The following CRYBG1 variants were observed in gnomAD, a reference collection of about 807,000 sequenced individuals.
The protein encoded by CRYBG1 is crystallin beta-gamma domain containing 1, also known as beta/gamma crystallin domain-containing protein 1.
Under a neutral mutation model 189.2 loss-of-function variants are expected in CRYBG1, and 139 were observed. That is an observed-to-expected ratio of 0.73 (90% CI 0.64 to 0.85). The LOEUF is 0.85. Ranked by LOEUF, CRYBG1 falls within the 40% of genes least tolerant of loss-of-function variation. CRYBG1 has a pLI of 0.00. For missense variants in CRYBG1, 2,611 were observed against 2,675.8 expected, an observed-to-expected ratio of 0.98 and a Z score of 0.53; for synonymous variants, 1,023 against 1,017.1, an observed-to-expected ratio of 1.01 and a Z score of -0.11.
At chr6:106,556,066 C>T (rs1373163644) in intron 17 of CRYBG1, among the ~76,000 whole-genome samples, 169 bp downstream of exon 17, 1 of 152,146 alleles carries the variant, frequency 6.6e-6, no homozygotes, top group Non-Finnish European at 1.5e-5. Flanking sequence ...CTAACTGGTA[C>T]ACGTTTTCCA....
intron 1 of CRYBG1, among the ~76,000 whole-genome samples, chr6:106,426,363 A>T (rs1771225600): frequency 6.6e-6 from 1 of 152,128 alleles, no homozygotes; most frequent in Admixed American, 6.5e-5. Context: ...AAACACACAC[A>T]CACACTTTCC....
chr6:106,391,919 T>C (rs1770511828), intron 1 of CRYBG1, among the ~76,000 whole-genome samples: 1 of 150,638 alleles, frequency 6.6e-6, no homozygotes. Context: ...AAAAGCCTGT[T>C]GTTTAAAACG....
At chr6:106,433,786 A>G (rs1391554014) in intron 1 of CRYBG1, among the ~76,000 whole-genome samples, 2 of 123,910 alleles carry the variant, frequency 1.6e-5, no homozygotes, top group African/African-American at 6.9e-5. Context: ...TATATATATA[A>G]ACATACACAC....
intron 17 of CRYBG1, 137 bp downstream of exon 17, chr6:106,556,034 G>A (rs1774537095): frequency 3.1e-6 from 3 of 972,844 alleles, no homozygotes; most frequent in Admixed American, 2.2e-5. Context: ...ATTTGGCTCT[G>A]TGTACATCTA....
At chr6:106,364,088 G>A (rs1471807926) in intron 1 of CRYBG1, among the ~76,000 whole-genome samples, 2 of 152,186 alleles carry the variant, frequency 1.3e-5, no homozygotes, top group Non-Finnish European at 2.9e-5. Context: ...ACTTTGGGAG[G>A]CCAAAGCAGG....
intron 2 of CRYBG1, among the ~76,000 whole-genome samples, chr6:106,460,569 G>GA (rs1483447701): frequency 6.6e-6 from 1 of 151,910 alleles, no homozygotes; most frequent in Non-Finnish European, 1.5e-5. Context: ...TTGTGAGGGG[G>GA]AAAAATTGTA....
chr6:106,473,424 T>G (rs1417506580), intron 2 of CRYBG1, among the ~76,000 whole-genome samples: 5 of 152,186 alleles, frequency 3.3e-5, no homozygotes, highest in Non-Finnish European at 7.3e-5. Context: ...TAGTTACATA[T>G]AGAAATATTG....
chr6:106,558,462 A>T (rs780893312), intron 17 of CRYBG1, 24 bp from the exon 18 acceptor site: 7 of 1,543,270 alleles, frequency 4.5e-6, no homozygotes, highest in Middle Eastern at 1.7e-4. Flanking sequence ...TGAATAACAG[A>T]ACATTGTTTT....
chr6:106,430,762 G>A lies in CRYBG1; in HGVS notation c.174-20932G>A, dbSNP rs1420835875. Among the ~76,000 whole-genome samples, 6 of 152,080 alleles carry A rather than the reference G, an allele frequency of 3.9e-5. No individual in the cohort carries two copies. The East Asian group carries it at 1.2e-3, about 29-fold the overall frequency. On this transcript the variant is annotated intron_variant, in intron 1 of 21. Coordinates refer to ENST00000633556, the MANE Select transcript of CRYBG1 (RefSeq NM_001371242.2). ...TCCATGGGGCGTCTGTAGCCGGGTAGCTGCACCTCTTACAAGCAGCTCAGG... is the reference window on the plus strand; with the variant it reads ...TCCATGGGGCGTCTGTAGCCGGGTAACTGCACCTCTTACAAGCAGCTCAGG...
intron 2 of CRYBG1, among the ~76,000 whole-genome samples, chr6:106,510,724 C>G (rs761130957): frequency 2.0e-5 from 3 of 152,242 alleles, no homozygotes; most frequent in Admixed American, 6.5e-5. Context: ...CGCACTCCTC[C>G]GTGTTCACAT....
chr6:106,465,024 T>C (rs1772083551), intron 2 of CRYBG1, among the ~76,000 whole-genome samples: 1 of 152,242 alleles, frequency 6.6e-6, no homozygotes, highest in African/African-American at 2.4e-5. Flanking sequence ...ACCTGATCAA[T>C]ATTTATTCAT....
Position 106,419,572 on chromosome 6 carries a change from T to C in CRYBG1, c.174-32122T>C, listed in dbSNP as rs111539518. Among the ~76,000 whole-genome samples, 596 of 152,232 alleles carry C rather than the reference T, an allele frequency of 3.9e-3. 5 individuals carry two copies. Among genetic ancestry groups the C allele is most frequent in the African/African-American group, 0.013 (553 of 41,524 alleles). On this transcript the variant is annotated intron_variant, in intron 1 of 21. Coordinates refer to ENST00000633556, the MANE Select transcript of CRYBG1 (RefSeq NM_001371242.2). ...GAATTGTTAAAATTTTTTGTAGAGA[T>C]GGGGTCTCACTATGTTGCCTAGGCT... is the stretch of plus-strand genomic sequence containing the variant.
In CRYBG1 at chr6:106,492,870, G is replaced by A. The variant is rs570134024; in HGVS notation, c.313-18560G>A. ...CTTGTTGAATGAATAAATGAAATAC[G>A]GGAGCACTCATGTAACCATGAGTGT... is the stretch of plus-strand genomic sequence containing the variant. On this transcript the variant is annotated intron_variant, in intron 2 of 21. Coordinates refer to ENST00000633556, the MANE Select transcript of CRYBG1 (RefSeq NM_001371242.2). Among the ~76,000 whole-genome samples, 9 of 152,220 alleles carry A rather than the reference G, an allele frequency of 5.9e-5. No homozygotes were observed. In the East Asian group the frequency reaches 1.5e-3, roughly 26 times the overall value.
At chr6:106,523,238 C>T (rs1280164708) in intron 4 of CRYBG1, among the ~76,000 whole-genome samples, 1 of 152,104 alleles carries the variant, frequency 6.6e-6, no homozygotes, top group Non-Finnish European at 1.5e-5. Context: ...TTTTGAGAAC[C>T]ACTGCTATAA....
At chr6:106,449,785 G>T (rs11969739) in intron 1 of CRYBG1, among the ~76,000 whole-genome samples, 3,483 of 152,048 alleles carry the variant, frequency 0.023, 105 homozygotes, top group African/African-American at 0.068. Flanking sequence ...TTTTATATGT[G>T]TTTATATATG....
intron 1 of CRYBG1, among the ~76,000 whole-genome samples, chr6:106,442,024 T>C (rs1771575812): frequency 6.6e-6 from 1 of 152,206 alleles, no homozygotes; most frequent in Non-Finnish European, 1.5e-5. Context: ...TCAATTCTTA[T>C]AAAGATTTAT....
chr6:106,525,226 C>T lies in CRYBG1; in HGVS notation c.4294-42C>T, dbSNP rs766832310. On this transcript the variant is annotated intron_variant, in intron 5 of 21. Transcript: ENST00000633556. ...TAGTCTTGATTCTATTTTGGTCTGACAGAGTACAACAAAGTGTGCTACCAC... is the reference window on the plus strand; with the variant it reads ...TAGTCTTGATTCTATTTTGGTCTGATAGAGTACAACAAAGTGTGCTACCAC... 5 of 1,613,426 alleles carry T rather than the reference C, an allele frequency of 3.1e-6. No individual in the cohort carries two copies. In the African/African-American group the frequency reaches 5.3e-5, roughly 17 times the overall value.
intron 3 of CRYBG1, among the ~76,000 whole-genome samples, chr6:106,516,756 T>G (rs1312233911): frequency 6.6e-6 from 1 of 152,182 alleles, no homozygotes; most frequent in Non-Finnish European, 1.5e-5. Context: ...AATAGTATAG[T>G]GGTTGGGAGC....
chr6:106,503,150 A>G (rs1773044713), intron 2 of CRYBG1, among the ~76,000 whole-genome samples: 1 of 152,178 alleles, frequency 6.6e-6, no homozygotes, highest in Non-Finnish European at 1.5e-5. Flanking sequence ...CCCAGAGCCC[A>G]ACTAAGAGAT....
Sources: gnomAD v4.1 joint callset for allele counts (sites outside exome capture counted in the v4.1 genomes callset) on GRCh38, gnomAD v4.1.1 for gene constraint, MANE v1.5 for transcripts, NCBI Gene and HGNC (gene_info 2026-07-23, HGNC 2026-07-21) for gene names.